TUSC3: variants seen among roughly 807,000 people sequenced by gnomAD.
TUSC3 encodes the protein tumor suppressor candidate 3.
TUSC3 carries 45 observed loss-of-function variants against 44.8 expected under a neutral mutation model. The observed-to-expected ratio is 1.00, with a 90% CI of 0.79 to 1.29. TUSC3 has a LOEUF of 1.29. Among genes scored for constraint, TUSC3 ranks in the 50% most tolerant of loss-of-function variants. The probability of loss-of-function intolerance (pLI) is 0.00; values close to 1 mark genes in which losing one functional copy is unlikely to be tolerated. For synonymous variants in TUSC3, 212 were observed against 152.9 expected (o/e 1.39, Z -2.85); for missense variants, 519 against 437.9 (o/e 1.19, Z -1.65).
At chr8:15,525,860 G>A (rs900772921) in intron 2 of TUSC3, among the ~76,000 whole-genome samples, 5 of 152,110 alleles carry the variant, frequency 3.3e-5, no homozygotes, top group African/African-American at 4.8e-5. Flanking sequence ...GGCCGTAATG[G>A]GGGAAAAAGT....
At chr8:15,796,647 T>C in the TUSC3 span, among the ~76,000 whole-genome samples, 76 of 152,334 alleles carry the variant, frequency 5.0e-4, no homozygotes, top group African/African-American at 1.7e-3. Context: ...CACTGTGGAC[T>C]GAAGGCTCCA....
At chr8:15,641,656 T>A (rs1212445395) in intron 2 of TUSC3, among the ~76,000 whole-genome samples, 1 of 152,182 alleles carries the variant, frequency 6.6e-6, no homozygotes, top group Admixed American at 6.5e-5. Context: ...ACTAGTATTG[T>A]CATGCTAAAA....
the TUSC3 span, among the ~76,000 whole-genome samples, chr8:15,824,951 T>C: frequency 2.0e-5 from 3 of 152,156 alleles, no homozygotes; most frequent in African/African-American, 4.8e-5. Flanking sequence ...GACCATAAGA[T>C]TGACTCTCTA....
chr8:15,609,287 A>G (rs1804661403), intron 1 of TUSC3, among the ~76,000 whole-genome samples: 1 of 152,162 alleles, frequency 6.6e-6, no homozygotes, highest in African/African-American at 2.4e-5. Context: ...CTTCTAAAGC[A>G]GTGCAAGATA....
At chr8:15,434,529 C>G (rs1415396785) in intron 1 of TUSC3, among the ~76,000 whole-genome samples, 1 of 31,972 alleles carries the variant, frequency 3.1e-5, no homozygotes. Flanking sequence ...TAAAGCCATT[C>G]CTTTTTTTTT....
rs137858194 is a variant in TUSC3, at chr8:15,520,761, C to G, written n.189+37278C>G. On this transcript the variant is annotated intron_variant and non_coding_transcript_variant, in intron 2 of 5. Transcript: ENST00000503191. ...GCCTTTACCCACAAGAAATTTCCTA[C>G]AAACACCATAAAGTATTCAACAAAC... Among the ~76,000 whole-genome samples the G allele has an allele frequency of 5.3e-3, 804 of 152,296 alleles. 7 individuals carry two copies. Among genetic ancestry groups the G allele is most frequent in the Non-Finnish European group, 8.6e-3 (586 of 68,030 alleles).
At chr8:15,675,000 C>T (rs184183648) in intron 6 of TUSC3, among the ~76,000 whole-genome samples, 1 of 151,990 alleles carries the variant, frequency 6.6e-6, no homozygotes, top group Non-Finnish European at 1.5e-5. Context: ...CTCCCTGGTC[C>T]CTATACTCTG....
chr8:15,437,244 C>G (rs1036839105), intron 1 of TUSC3, among the ~76,000 whole-genome samples: 1 of 152,086 alleles, frequency 6.6e-6, no homozygotes, highest in Admixed American at 6.6e-5. Context: ...ATGGGCAAAA[C>G]TTTTCCAGCA....
At chr8:15,693,217 C>T (rs537027884) in intron 6 of TUSC3, among the ~76,000 whole-genome samples, 12 of 152,228 alleles carry the variant, frequency 7.9e-5, no homozygotes, top group Admixed American at 1.3e-4. Flanking sequence ...CTGGTTATTA[C>T]GTAGACTTGT....
In TUSC3 at chr8:15,765,680, A is replaced by G. The variant is rs767710258; in HGVS notation, c.*1524A>G. ...CATACTCCCAAATCTGTTACTAAAAATAACATAAATTCTCCTAGTTCATGT... is the reference window on the plus strand; with the variant it reads ...CATACTCCCAAATCTGTTACTAAAAGTAACATAAATTCTCCTAGTTCATGT... On this transcript the variant is annotated 3_prime_UTR_variant, in exon 11 of 11. Transcript: ENST00000503731. The G allele has an allele frequency of 3.3e-5, 5 of 152,086 alleles. No individual in the cohort carries two copies. Among genetic ancestry groups the G allele is most frequent in the Non-Finnish European group, 7.4e-5 (5 of 67,970 alleles). The allele number at this position is 152,086 out of a possible 1,614,324, so 9.4% of individuals were successfully genotyped here. A position where few individuals can be genotyped will look rare whatever the true frequency, so the allele number is the denominator to read the frequency against.
At chr8:15,662,022 G>A (rs1236931371) in intron 4 of TUSC3, 134 bp from the exon 5 acceptor site, 16 of 923,154 alleles carry the variant, frequency 1.7e-5, no homozygotes, top group Admixed American at 2.0e-5. Context: ...TGAAAGTAGT[G>A]CTAGTGTCAC....
intron 2 of TUSC3, among the ~76,000 whole-genome samples, chr8:15,506,679 T>G (rs767104784): frequency 7.2e-5 from 11 of 152,156 alleles, no homozygotes; most frequent in Non-Finnish European, 1.5e-4. Context: ...CTTGTGAGAC[T>G]TATTCACTAT....
intron 6 of TUSC3, among the ~76,000 whole-genome samples, chr8:15,710,909 C>G (rs867110490): frequency 7.4e-5 from 11 of 149,484 alleles, no homozygotes; most frequent in Non-Finnish European, 1.6e-4. Context: ...AAAACCAGCA[C>G]CAAATCAAGA....
At chr8:15,546,170 A>G (rs528205189) in intron 1 of TUSC3, among the ~76,000 whole-genome samples, 2 of 151,866 alleles carry the variant, frequency 1.3e-5, no homozygotes, top group South Asian at 4.2e-4. Flanking sequence ...TCCAGTCTTT[A>G]TTTCTATCTT....
intron 2 of TUSC3, among the ~76,000 whole-genome samples, chr8:15,485,470 TTTTTTG>T (rs1800721654): frequency 6.7e-6 from 1 of 150,212 alleles, no homozygotes; most frequent in Non-Finnish European, 1.5e-5. Flanking sequence ...TTGTCTTTTT[TTTTTTG>T]TTTTTTGTGA....
At chr8:15,823,413 C>G in the TUSC3 span, among the ~76,000 whole-genome samples, 420 of 152,286 alleles carry the variant, frequency 2.8e-3, no homozygotes, top group African/African-American at 9.8e-3. Context: ...GATTCTATGA[C>G]TTTACATTAA....
intron 6 of TUSC3, among the ~76,000 whole-genome samples, chr8:15,707,659 T>C (rs1809672839): frequency 1.3e-5 from 2 of 151,896 alleles, no homozygotes; most frequent in Admixed American, 1.3e-4. Context: ...GATGACTCTA[T>C]AGGAGATGTG....
chr8:15,539,645 T>A (rs1450297528), upstream of TUSC3, among the ~76,000 whole-genome samples: 1 of 152,124 alleles, frequency 6.6e-6, no homozygotes, highest in African/African-American at 2.4e-5. Flanking sequence ...AGCCACCATG[T>A]CCAGTCTGCT....
intron 2 of TUSC3, 96 bp downstream of exon 2, chr8:15,623,345 AGTT>A: frequency 1.6e-6 from 2 of 1,262,574 alleles, no homozygotes; most frequent in Non-Finnish European, 2.1e-6. Flanking sequence ...TAAGATAAAC[AGTT>A]GTTTAATAGT....
Sources: allele counts gnomAD v4.1 joint callset (sites outside exome capture counted in the v4.1 genomes callset), GRCh38; gene constraint gnomAD v4.1.1; transcripts MANE v1.5; gene names NCBI Gene and HGNC (gene_info 2026-07-23, HGNC 2026-07-21).